The following NBPF14 variants were observed in gnomAD, a reference collection of about 807,000 sequenced individuals.
The protein encoded by NBPF14 is NBPF family member NBPF14.
A neutral mutation model predicts 91.2 loss-of-function variants in NBPF14; 104 were observed. That is an observed-to-expected ratio of 1.14 (90% CI 0.97 to 1.34). The LOEUF (loss-of-function observed/expected upper bound fraction) is 1.34. Ranked by LOEUF, NBPF14 falls within the 40% of genes most tolerant of loss-of-function variation. NBPF14 has a pLI of 0.00. For missense variants in NBPF14, 908 were observed against 783.0 expected (o/e 1.16, Z -1.91); for synonymous variants, 294 against 303.8 (o/e 0.97, Z 0.34).
At chr1:148,593,288 T>C (rs1174698496) in intron 3 of NBPF14, among the ~76,000 whole-genome samples, 9,073 of 148,306 alleles carry the variant, frequency 0.061, 799 homozygotes, top group African/African-American at 0.2. Flanking sequence ...GGGGTGGCGA[T>C]AGCACACCAT....
exon 71 of NBPF14, chr1:148,532,390 C>G (rs1653879776): frequency 6.1e-6 from 1 of 163,710 alleles, no homozygotes; most frequent in African/African-American, 2.4e-5. Context: ...GCTAAGGCCT[C>G]CCAATGCTGT....
rs1654703740 is a variant in NBPF14, at chr1:148,534,667, C to A, written c.8614+17G>T. On this transcript the variant is annotated intron_variant, in intron 69 of 70. Transcript: ENST00000619423. ...AGACCAGGTGGAGGCTTATCACCTTCATAGTAAGGTACTCACTGTCCACGT... is the reference window on the plus strand; with the variant it reads ...AGACCAGGTGGAGGCTTATCACCTTAATAGTAAGGTACTCACTGTCCACGT... 1 of 806,642 alleles carries A rather than the reference C, an allele frequency of 1.2e-6. No homozygotes were observed. Among genetic ancestry groups the A allele is most frequent in the South Asian group, 1.3e-5 (1 of 74,118 alleles). The allele number at this position is 806,642 out of a possible 1,614,324, so 50.0% of individuals were successfully genotyped here. A position where few individuals can be genotyped will look rare whatever the true frequency, so the allele number is the denominator to read the frequency against.
intron 68 of NBPF14, 94 bp downstream of exon 68, chr1:148,535,359 G>A (rs1654933930): frequency 8.8e-6 from 5 of 568,414 alleles, no homozygotes; most frequent in East Asian, 6.3e-5. Flanking sequence ...AACCTTCGCT[G>A]AAAACATGAA....
chr1:148,533,844 C>A lies in NBPF14; in HGVS notation c.8723+17G>T, dbSNP rs367841165. The stretch of plus-strand genomic sequence containing the variant: ...GAGTTAACACAGAACTAAGGATCCA[C>A]AATTGCTGAAAGTCACCTGGGGCAT... On this transcript the variant is annotated intron_variant, in intron 70 of 70. Transcript: ENST00000619423. The A allele has an allele frequency of 7.7e-5, 59 of 765,644 alleles. 2 individuals are homozygous for A. The African/African-American group carries it at 9.0e-4, about 12-fold the overall frequency. The allele number at this position is 765,644 out of a possible 1,614,324, so 47.4% of individuals were successfully genotyped here.
intron 67 of NBPF14, among the ~76,000 whole-genome samples, 175 bp downstream of exon 67, chr1:148,536,049 C>T (rs1195042218): frequency 9.3e-5 from 13 of 140,504 alleles, no homozygotes; most frequent in African/African-American, 3.0e-4. Flanking sequence ...CTCACTGACC[C>T]ATCCCTTGTC....
chr1:148,538,205 C>A (rs1655340290), intron 64 of NBPF14, among the ~76,000 whole-genome samples, 199 bp from the exon 65 acceptor site: 1 of 63,894 alleles, frequency 1.6e-5, no homozygotes, highest in Non-Finnish European at 3.1e-5. Flanking sequence ...GACAGATAGA[C>A]ACACACACAC....
rs1364708325 is a variant in NBPF14, at chr1:148,586,662, G to A, written c.1092-193C>T. ...TACAGGCTTCCTCTGTATCAGAGAGGGCTCTTGCAAGATCCTCGATGATGT... is the reference window on the plus strand; with the variant it reads ...TACAGGCTTCCTCTGTATCAGAGAGAGCTCTTGCAAGATCCTCGATGATGT... On this transcript the variant is annotated intron_variant, in intron 8 of 70. Coordinates refer to ENST00000619423, the Ensembl canonical transcript of NBPF14. 8.8e-5 allele frequency among the ~76,000 whole-genome samples: 13 copies of A among 147,148 alleles called. 1 individual carries two copies. Among genetic ancestry groups the A allele is most frequent in the Admixed American group, 2.0e-4 (3 of 14,668 alleles).
chr1:148,594,195 AG>A (rs1662944404), intron 2 of NBPF14, among the ~76,000 whole-genome samples: 2 of 143,216 alleles, frequency 1.4e-5, no homozygotes, highest in South Asian at 2.3e-4. Context: ...TATGGTTTTA[AG>A]AATCATATCT....
chr1:148,557,236 C>A (rs1656782442), intron 40 of NBPF14, among the ~76,000 whole-genome samples: 1 of 90,568 alleles, frequency 1.1e-5, no homozygotes, highest in South Asian at 4.7e-4. Flanking sequence ...AAAATGTGCT[C>A]AAGTTTCCAT....
rs1280641564 is a variant in NBPF14 at position 148,590,894 on chromosome 1, CTA to C, written c.639_640del (p.Asn213LysfsTer6). On this transcript the variant is annotated frameshift_variant, in exon 6 of 71. Coordinates refer to ENST00000619423, the Ensembl canonical transcript of NBPF14. LOFTEE classifies it high-confidence loss of function. ...CTGGTTGGAGTCACAAGGGCCGTGG[CTA>C]TTTGAACAAGTGATGGCACATTCCT... 1.5e-6 allele frequency: 1 copy of C among 670,110 alleles called. No homozygotes were observed. The highest frequency in any genetic ancestry group is 2.6e-6 in the Non-Finnish European group (1 of 390,862). 41.5% of individuals were successfully genotyped at this position (670,110 alleles called of 1,614,324 possible). A position where few individuals can be genotyped will look rare whatever the true frequency, so the allele number is the denominator to read the frequency against.
chr1:148,579,202 TG>T lies in NBPF14; in HGVS notation c.1672del (p.Gln558ArgfsTer31). The T allele has an allele frequency of 2.5e-6, 1 of 407,396 alleles. No homozygotes were observed. The allele number at this position is 407,396 out of a possible 1,614,324, so 25.2% of individuals were successfully genotyped here. ...CGAATAACCTTCATCCCAGGACTCCTGGGGGACTTCCTCCTCTTCAGACTCC... is the reference window on the plus strand; with the variant it reads ...CGAATAACCTTCATCCCAGGACTCCTGGGGACTTCCTCCTCTTCAGACTCC... On this transcript the variant is annotated frameshift_variant, in exon 13 of 71. Coordinates refer to ENST00000619423, the Ensembl canonical transcript of NBPF14. LOFTEE classifies it high-confidence loss of function.
intron 6 of NBPF14, among the ~76,000 whole-genome samples, chr1:148,589,800 T>A (rs1328937661): frequency 1.4e-5 from 2 of 147,884 alleles, no homozygotes; most frequent in African/African-American, 4.9e-5. Context: ...AGGCACAATC[T>A]CAGCTCACTG....
At position 148,566,542 on chromosome 1, in the gene NBPF14, A is replaced by AACAC. The variant is rs1183408341; in HGVS notation, c.3543-231_3543-228dup. ...ACACACACACACACACACACACACAAACACACACACACACACAGAGAACGA... is the reference window on the plus strand; with the variant it reads ...ACACACACACACACACACACACACAAACACACACACACACACACACAGAGAACGA... On this transcript the variant is annotated intron_variant, in intron 28 of 70. Transcript: ENST00000619423. Among the ~76,000 whole-genome samples, 670 of 90,914 alleles carry AACAC rather than the reference A, an allele frequency of 7.4e-3. 45 individuals carry two copies. The highest frequency in any genetic ancestry group is 0.025 in the African/African-American group (643 of 25,798). 59.6% of individuals were successfully genotyped at this position (90,914 alleles called of 152,430 possible). A position where few individuals can be genotyped will look rare whatever the true frequency, so the allele number is the denominator to read the frequency against.
intron 6 of NBPF14, among the ~76,000 whole-genome samples, chr1:148,590,180 G>C (rs1662243487): frequency 1.4e-5 from 2 of 141,228 alleles, no homozygotes; most frequent in African/African-American, 5.1e-5. Context: ...CTCCTGAGTA[G>C]CTGGGACTAC....
At chr1:148,559,805 C>T in exon 37 of NBPF14, 5 of 1,523,914 alleles carry the variant, frequency 3.3e-6, no homozygotes, top group South Asian at 1.2e-5. Flanking sequence ...TCCATGTCAA[C>T]AGCCAAGCCA....
chr1:148,533,860 C>A lies in NBPF14; in HGVS notation c.8723+1G>T, dbSNP rs1275948594. On this transcript the variant is annotated splice_donor_variant, in intron 70 of 70. Transcript: ENST00000619423. LOFTEE classifies it high-confidence loss of function. ...AAGGATCCACAATTGCTGAAAGTCA[C>A]CTGGGGCATGGTGGGTTTTGATCTT... is the stretch of plus-strand genomic sequence containing the variant. The A allele has an allele frequency of 3.9e-6, 3 of 764,572 alleles. No individual in the cohort carries two copies. The highest frequency in any genetic ancestry group is 1.7e-5 in the African/African-American group (1 of 58,616). The allele number at this position is 764,572 out of a possible 1,614,324, so 47.4% of individuals were successfully genotyped here.
chr1:148,560,204 T>G (rs1258157406), intron 36 of NBPF14, among the ~76,000 whole-genome samples: 1 of 151,140 alleles, frequency 6.6e-6, no homozygotes, highest in Non-Finnish European at 1.5e-5. Context: ...AGAGAGAAAG[T>G]GACCTAGTGA....
chr1:148,566,332 A>C lies in NBPF14; in HGVS notation c.3543-17T>G, dbSNP rs1309407081. 8 of 776,216 alleles carry C rather than the reference A, an allele frequency of 1.0e-5. 1 individual carries two copies. The highest frequency in any genetic ancestry group is 5.6e-5 in the East Asian group (2 of 35,850). 48.1% of individuals were successfully genotyped at this position (776,216 alleles called of 1,614,324 possible). On this transcript the variant is annotated splice_polypyrimidine_tract_variant and intron_variant, in intron 28 of 70. Coordinates refer to ENST00000619423, the Ensembl canonical transcript of NBPF14. ...CTGCTGAGCCTGGAAAAGGAGGAAA[A>C]GGTAAAGAATAAGCCAGGGGAAATC...
At position 148,586,946 on chromosome 1, in the gene NBPF14, A is replaced by T. The variant is rs1188087157; in HGVS notation, c.1091+355T>A. On this transcript the variant is annotated intron_variant, in intron 8 of 70. Coordinates refer to ENST00000619423, the Ensembl canonical transcript of NBPF14. The stretch of plus-strand genomic sequence containing the variant: ...ATTGAGTGAAAGAATGAGAAGCCGC[A>T]GTCAGTCAGGAGGTGATTCTCACTA... 9.6e-4 allele frequency among the ~76,000 whole-genome samples: 140 copies of T among 145,548 alleles called. 3 individuals are homozygous for T. The highest frequency in any genetic ancestry group is 3.3e-3 in the African/African-American group (131 of 40,228).
Sources: gnomAD v4.1 joint callset for allele counts (sites outside exome capture counted in the v4.1 genomes callset) on GRCh38, gnomAD v4.1.1 for gene constraint, MANE v1.5 for transcripts, NCBI Gene and HGNC (gene_info 2026-07-23, HGNC 2026-07-21) for gene names.